The following KCNT2 variants were observed in gnomAD, a reference collection of about 807,000 sequenced individuals.
KCNT2 encodes the protein potassium channel subfamily T member 2.
KCNT2 carries 67 observed loss-of-function variants against 153.8 expected under a neutral mutation model. The ratio of observed to expected loss-of-function variants is 0.44; its 90% confidence interval spans 0.36 to 0.53. The LOEUF (loss-of-function observed/expected upper bound fraction) is 0.53. Ranked by LOEUF, KCNT2 falls within the 20% of genes least tolerant of loss-of-function variation. The pLI is 0.00. For synonymous variants in KCNT2, 500 were observed against 458.8 expected, an observed-to-expected ratio of 1.09 and a Z score of -1.15; for missense variants, 975 against 1,354.8, an observed-to-expected ratio of 0.72 and a Z score of 4.40.
intron 27 of KCNT2, among the ~76,000 whole-genome samples, chr1:196,233,291 TCA>T (rs780546439): frequency 3.2e-4 from 48 of 151,582 alleles, no homozygotes; most frequent in Non-Finnish European, 5.6e-4. Flanking sequence ...ACCAGTATTA[TCA>T]GATGGCAAAA....
intron 13 of KCNT2, among the ~76,000 whole-genome samples, chr1:196,394,177 A>G (rs980743001): frequency 2.0e-5 from 3 of 151,664 alleles, no homozygotes; most frequent in Non-Finnish European, 1.5e-5. Context: ...GTTTAGGCTG[A>G]CAATGGAGGT....
rs73067634 is a variant in KCNT2 at position 196,376,063 on chromosome 1, C to T, written c.1295-2815G>A. 7.8e-3 allele frequency among the ~76,000 whole-genome samples: 1,177 copies of T among 151,860 alleles called. 15 individuals are homozygous for T. Among genetic ancestry groups the T allele is most frequent in the African/African-American group, 0.027 (1,124 of 41,514 alleles). ...TCTTGGGACATTTTTTAGAACTAAC[C>T]ACTAATCCTCAGCCTGAATTAAAAT... On this transcript the variant is annotated intron_variant, in intron 13 of 27. Coordinates refer to ENST00000294725, the MANE Select transcript of KCNT2 (RefSeq NM_198503.5).
At chr1:196,355,397 G>A (rs111761918) in intron 14 of KCNT2, among the ~76,000 whole-genome samples, 7,431 of 151,678 alleles carry the variant, frequency 0.049, 282 homozygotes, top group Non-Finnish European at 0.072. Flanking sequence ...AGGTGGAACC[G>A]GAAAGCTGTT....
intron 20 of KCNT2, among the ~76,000 whole-genome samples, chr1:196,317,491 C>G (rs923342861): frequency 1.3e-5 from 2 of 151,694 alleles, no homozygotes; most frequent in African/African-American, 4.8e-5. Context: ...TGTGGACCAT[C>G]AAAATGACGC....
chr1:196,320,582 T>C (rs967920863), intron 19 of KCNT2, among the ~76,000 whole-genome samples: 21 of 151,796 alleles, frequency 1.4e-4, no homozygotes, highest in African/African-American at 4.1e-4. Flanking sequence ...CCAAGAAAAC[T>C]GGTACCTACA....
In KCNT2 at chr1:196,311,429, C is replaced by T. The variant is rs144732077; in HGVS notation, c.2483+4463G>A. 2.7e-3 allele frequency among the ~76,000 whole-genome samples: 408 copies of T among 151,934 alleles called. 2 individuals are homozygous for T. Among genetic ancestry groups the T allele is most frequent in the African/African-American group, 9.1e-3 (376 of 41,512 alleles). On this transcript the variant is annotated intron_variant, in intron 21 of 27. Transcript: ENST00000294725. ...GATCTAATGCAGGAGTTGCTCCATT[C>T]CAACCAGATAACAATCCATGACCTG...
chr1:196,534,422 A>C (rs1272096971), intron 1 of KCNT2, among the ~76,000 whole-genome samples: 1 of 152,160 alleles, frequency 6.6e-6, no homozygotes, highest in Non-Finnish European at 1.5e-5. Flanking sequence ...TACAAGCCAC[A>C]AAATTATTAT....
chr1:196,553,886 T>A (rs1273570861), intron 1 of KCNT2, among the ~76,000 whole-genome samples: 2 of 151,048 alleles, frequency 1.3e-5, no homozygotes, highest in Non-Finnish European at 3.0e-5. Flanking sequence ...TGACCATGGG[T>A]CAATGAAGAA....
At chr1:196,262,975 A>G (rs1408617705) in intron 25 of KCNT2, among the ~76,000 whole-genome samples, 1 of 152,110 alleles carries the variant, frequency 6.6e-6, no homozygotes, top group Non-Finnish European at 1.5e-5. Context: ...ATAAGAACCT[A>G]GTATTTAAAC....
chr1:196,257,332 T>C (rs1656601447), intron 26 of KCNT2: 1 of 981,844 alleles, frequency 1.0e-6, no homozygotes, highest in African/African-American at 1.7e-5. Flanking sequence ...CTAAAATTTC[T>C]TCCTAAGAAC....
At chr1:196,463,996 T>A (rs147754019) in intron 8 of KCNT2, among the ~76,000 whole-genome samples, 1 of 151,874 alleles carries the variant, frequency 6.6e-6, no homozygotes, top group Non-Finnish European at 1.5e-5. Context: ...ACATTATATT[T>A]AGTAATCATT....
At chr1:196,285,863 T>C in intron 22 of KCNT2, 105 bp from the exon 23 acceptor site, 1 of 679,482 alleles carries the variant, frequency 1.5e-6, no homozygotes, top group South Asian at 1.7e-5. Context: ...CATCATATGG[T>C]TCTTAGCTAT....
At chr1:196,605,514 G>C (rs1665216254) in intron 1 of KCNT2, among the ~76,000 whole-genome samples, 1 of 152,148 alleles carries the variant, frequency 6.6e-6, no homozygotes, top group Non-Finnish European at 1.5e-5. Context: ...CCTGAGGTTG[G>C]TGGTGGGGAG....
chr1:196,304,439 G>A (rs1200741850), intron 22 of KCNT2, among the ~76,000 whole-genome samples: 7 of 152,192 alleles, frequency 4.6e-5, no homozygotes, highest in Admixed American at 1.3e-4. Context: ...CTGCAGCGTC[G>A]AAATTTTGGG....
chr1:196,485,090 T>C (rs1679315748), intron 3 of KCNT2, among the ~76,000 whole-genome samples: 1 of 152,056 alleles, frequency 6.6e-6, no homozygotes, highest in Admixed American at 6.6e-5. Flanking sequence ...ATGTGGTACA[T>C]ACACATCATG....
At chr1:196,292,564 T>C (rs966999330) in intron 22 of KCNT2, among the ~76,000 whole-genome samples, 1 of 152,044 alleles carries the variant, frequency 6.6e-6, no homozygotes, top group Non-Finnish European at 1.5e-5. Flanking sequence ...CCCAGCACTT[T>C]GGGAGGCCGA....
At chr1:196,594,051 C>T (rs1663749667) in intron 1 of KCNT2, among the ~76,000 whole-genome samples, 1 of 151,934 alleles carries the variant, frequency 6.6e-6, no homozygotes, top group Admixed American at 6.6e-5. Flanking sequence ...GTATAACTAC[C>T]ACTACCTATG....
intron 14 of KCNT2, among the ~76,000 whole-genome samples, chr1:196,344,035 C>T (rs1206332882): frequency 2.0e-5 from 3 of 152,184 alleles, no homozygotes; most frequent in African/African-American, 7.2e-5. Flanking sequence ...CCGCCTTGGC[C>T]TCCCAAAGTG....
At chr1:196,339,241 A>C (rs1175305027) in intron 16 of KCNT2, among the ~76,000 whole-genome samples, 21 of 152,126 alleles carry the variant, frequency 1.4e-4, no homozygotes, top group Admixed American at 1.3e-3. Context: ...TGTTTCAGGA[A>C]GAACATGGTC....
Sources: allele counts gnomAD v4.1 joint callset (sites outside exome capture counted in the v4.1 genomes callset), GRCh38; gene constraint gnomAD v4.1.1; transcripts MANE v1.5; gene names NCBI Gene and HGNC (gene_info 2026-07-23, HGNC 2026-07-21).